Variants in SCHIP1 observed in about 807,000 individuals in gnomAD.
The protein encoded by SCHIP1 is schwannomin interacting protein 1, also known as schwannomin-interacting protein 1.
Under a neutral mutation model 29.7 loss-of-function variants are expected in SCHIP1, and 8 were observed. The observed-to-expected ratio is 0.27, with a 90% CI of 0.16 to 0.49. The LOEUF (loss-of-function observed/expected upper bound fraction) is 0.49, where lower values mean the gene tolerates loss of function less well. Ranked by LOEUF, SCHIP1 falls within the 20% of genes least tolerant of loss-of-function variation. The pLI, the probability that SCHIP1 is intolerant of heterozygous loss-of-function variation, is 0.99. For synonymous variants in SCHIP1, 76 were observed against 94.9 expected (o/e 0.80, Z 1.16); for missense variants, 193 against 294.6 (o/e 0.66, Z 2.52).
At chr3:159,792,573 C>A in the SCHIP1 span, among the ~76,000 whole-genome samples, 1 of 152,144 alleles carries the variant, frequency 6.6e-6, no homozygotes, top group Non-Finnish European at 1.5e-5. Flanking sequence ...GCTTAGATAT[C>A]TGTATTTCAT....
At chr3:159,538,307 T>C in the SCHIP1 span, among the ~76,000 whole-genome samples, 2 of 152,174 alleles carry the variant, frequency 1.3e-5, no homozygotes, top group Non-Finnish European at 2.9e-5. Flanking sequence ...CTAAAAATTA[T>C]ATGGTTTTTG....
the SCHIP1 span, among the ~76,000 whole-genome samples, chr3:159,808,985 C>CTTTTTT: frequency 7.2e-6 from 1 of 138,194 alleles, no homozygotes. Flanking sequence ...TTTTTTCTTT[C>CTTTTTT]TTTTTTTTTT....
the SCHIP1 span, among the ~76,000 whole-genome samples, chr3:159,691,906 T>C: frequency 6.6e-6 from 1 of 152,172 alleles, no homozygotes; most frequent in South Asian, 2.1e-4. Context: ...ATTCTTTTCT[T>C]TAAGAATGTT....
At chr3:159,536,348 A>G in the SCHIP1 span, among the ~76,000 whole-genome samples, 1 of 152,198 alleles carries the variant, frequency 6.6e-6, no homozygotes, top group East Asian at 1.9e-4. Context: ...ATCAAGAGAA[A>G]TGAATTAGTG....
chr3:159,799,501 G>A, the SCHIP1 span, among the ~76,000 whole-genome samples: 2,163 of 152,328 alleles, frequency 0.014, 47 homozygotes, highest in African/African-American at 0.046. Flanking sequence ...CCAGGGATAC[G>A]GGTGACCGGG....
At chr3:159,558,106 G>A in the SCHIP1 span, among the ~76,000 whole-genome samples, 1 of 152,172 alleles carries the variant, frequency 6.6e-6, no homozygotes, top group South Asian at 2.1e-4. Flanking sequence ...GTAGGAAGGT[G>A]CCTGTGGAAC....
chr3:159,778,244 C>T, the SCHIP1 span, among the ~76,000 whole-genome samples: 19 of 152,118 alleles, frequency 1.2e-4, no homozygotes, highest in Non-Finnish European at 8.8e-5. Flanking sequence ...CCACCTGCCT[C>T]GGCCTCCCAA....
chr3:159,653,957 A>G, the SCHIP1 span, among the ~76,000 whole-genome samples: 3 of 152,132 alleles, frequency 2.0e-5, no homozygotes, highest in African/African-American at 4.8e-5. Context: ...CCCCCTAAAA[A>G]TGATCAGTTT....
chr3:159,878,837 A>G (rs954425743), intron 2 of SCHIP1, among the ~76,000 whole-genome samples: 25 of 150,604 alleles, frequency 1.7e-4, no homozygotes, highest in Non-Finnish European at 3.1e-4. Flanking sequence ...ATAAATAAAA[A>G]TAAATAAATT....
chr3:159,780,683 C>T, the SCHIP1 span, among the ~76,000 whole-genome samples: 3 of 152,208 alleles, frequency 2.0e-5, no homozygotes, highest in African/African-American at 7.2e-5. Flanking sequence ...TGTCCACACA[C>T]CCTCACCGTA....
the SCHIP1 span, among the ~76,000 whole-genome samples, chr3:159,812,514 G>A: frequency 2.2e-4 from 34 of 152,280 alleles, no homozygotes; most frequent in South Asian, 6.2e-3. Context: ...GGAGAAAACC[G>A]AATTATTACA....
the SCHIP1 span, among the ~76,000 whole-genome samples, chr3:159,308,215 T>C: frequency 6.6e-6 from 1 of 152,170 alleles, no homozygotes; most frequent in Non-Finnish European, 1.5e-5. Context: ...GAGCATGGCA[T>C]GTCTTTCCAT....
the SCHIP1 span, among the ~76,000 whole-genome samples, chr3:159,630,062 T>A: frequency 2.0e-5 from 3 of 152,200 alleles, no homozygotes; most frequent in South Asian, 6.2e-4. Flanking sequence ...CCAAAGAGAA[T>A]GTACAAAGCC....
chr3:159,704,366 C>T, the SCHIP1 span, among the ~76,000 whole-genome samples: 136 of 125,980 alleles, frequency 1.1e-3, no homozygotes, highest in African/African-American at 2.4e-3. Context: ...ACCTGGGAGG[C>T]GGAGGTTGTA....
the SCHIP1 span, among the ~76,000 whole-genome samples, chr3:159,741,395 T>G: frequency 2.6e-5 from 4 of 152,214 alleles, no homozygotes; most frequent in African/African-American, 9.7e-5. Context: ...CATGCACCAG[T>G]TTCATGGAAT....
chr3:159,741,978 C>G, the SCHIP1 span, among the ~76,000 whole-genome samples: 9 of 152,136 alleles, frequency 5.9e-5, no homozygotes, highest in Non-Finnish European at 1.2e-4. Flanking sequence ...CACCTTAATC[C>G]CAGCTCTTGG....
At chr3:159,339,711 C>A in the SCHIP1 span, among the ~76,000 whole-genome samples, 1 of 152,034 alleles carries the variant, frequency 6.6e-6, no homozygotes, top group Non-Finnish European at 1.5e-5. Flanking sequence ...TGTGAGGGCA[C>A]GTTGGAATTT....
At chr3:159,515,586 G>A in the SCHIP1 span, among the ~76,000 whole-genome samples, 1 of 152,092 alleles carries the variant, frequency 6.6e-6, no homozygotes, top group South Asian at 2.1e-4. Flanking sequence ...GTGATCAACG[G>A]AGCTGCTTTT....
the SCHIP1 span, among the ~76,000 whole-genome samples, chr3:159,829,970 A>G: frequency 6.6e-6 from 1 of 152,220 alleles, no homozygotes; most frequent in Non-Finnish European, 1.5e-5. Context: ...ATTGCTATAT[A>G]TTGTTAGTAA....
Sources: allele counts gnomAD v4.1 joint callset (sites outside exome capture counted in the v4.1 genomes callset), GRCh38; gene constraint gnomAD v4.1.1; transcripts MANE v1.5; gene names NCBI Gene and HGNC (gene_info 2026-07-23, HGNC 2026-07-21).